Variants in PRIM2 observed in about 807,000 individuals in gnomAD.
The protein encoded by PRIM2 is DNA primase subunit 2.
PRIM2 carries 39 observed loss-of-function variants against 67.3 expected under a neutral mutation model. The ratio of observed to expected loss-of-function variants is 0.58; its 90% CI spans 0.45 to 0.76. The LOEUF (loss-of-function observed/expected upper bound fraction) is 0.76, where lower values mean the gene tolerates loss of function less well. Among genes scored for constraint, PRIM2 ranks in the 30% least tolerant of loss-of-function variants. PRIM2 has a pLI of 0.00. For missense variants in PRIM2, 398 were observed against 598.7 expected (o/e 0.66, Z 3.50); for synonymous variants, 143 against 198.7 (o/e 0.72, Z 2.36).
chr6:57,579,022 G>C (rs1211355770), intron 10 of PRIM2, among the ~76,000 whole-genome samples: 1 of 152,020 alleles, frequency 6.6e-6, no homozygotes, highest in African/African-American at 2.4e-5. Flanking sequence ...ACCACAAGAT[G>C]CTTCAGACTC....
chr6:57,511,087 C>T (rs1471507939), intron 8 of PRIM2, among the ~76,000 whole-genome samples: 1 of 152,068 alleles, frequency 6.6e-6, no homozygotes, highest in Non-Finnish European at 1.5e-5. Context: ...ATACAAATAC[C>T]TGTAAAAATT....
intron 5 of PRIM2, among the ~76,000 whole-genome samples, chr6:57,368,654 T>C (rs1004987977): frequency 6.6e-6 from 1 of 152,192 alleles, no homozygotes; most frequent in Non-Finnish European, 1.5e-5. Context: ...GGGATGGGTA[T>C]GGCATGTTTT....
chr6:57,470,605 C>G (rs1473834070), intron 7 of PRIM2, among the ~76,000 whole-genome samples: 2 of 151,120 alleles, frequency 1.3e-5, no homozygotes, highest in East Asian at 3.9e-4. Flanking sequence ...AACCCCAAAT[C>G]CCAAAATTGT....
chr6:57,508,255 T>C (rs1421203283), intron 8 of PRIM2, among the ~76,000 whole-genome samples: 1 of 152,134 alleles, frequency 6.6e-6, no homozygotes, highest in East Asian at 1.9e-4. Flanking sequence ...GTTTTTGTTG[T>C]TGTTGTCGTT....
chr6:57,325,642 GA>G (rs1767825478), intron 4 of PRIM2, among the ~76,000 whole-genome samples: 1 of 152,142 alleles, frequency 6.6e-6, no homozygotes, highest in South Asian at 2.1e-4. Flanking sequence ...TTAAATGCAT[GA>G]AGTATTTTAT....
intron 3 of PRIM2, 55 bp from the exon 4 acceptor site, chr6:57,324,146 T>G: frequency 9.9e-7 from 1 of 1,005,874 alleles, no homozygotes; most frequent in Non-Finnish European, 1.5e-6. Flanking sequence ...AGTATTTCCT[T>G]ACACCTCTTA....
Position 57,318,441 on chromosome 6 carries a change from C to T in PRIM2, c.-5C>T. ...TTTTGTGTACTTCCTTCTAAGGTGA[C>T]CAAGATGGAGTTTTCTGGAAGAAAG... On this transcript the variant is annotated 5_prime_UTR_variant, in exon 2 of 14. Coordinates refer to ENST00000615550, the MANE Select transcript of PRIM2 (RefSeq NM_000947.5). 1 of 1,610,828 alleles carries T rather than the reference C, an allele frequency of 6.2e-7. No individual in the cohort carries two copies. The highest frequency in any genetic ancestry group is 1.3e-5 in the African/African-American group (1 of 74,926).
At chr6:57,585,612 C>T (rs1489972368) in intron 10 of PRIM2, among the ~76,000 whole-genome samples, 26 of 152,112 alleles carry the variant, frequency 1.7e-4, no homozygotes, top group African/African-American at 5.8e-4. Flanking sequence ...TGCAGGGATG[C>T]GGAATTTGAT....
intron 3 of PRIM2, among the ~76,000 whole-genome samples, chr6:57,323,699 G>C (rs1158644172): frequency 6.6e-6 from 1 of 151,796 alleles, no homozygotes; most frequent in Non-Finnish European, 1.5e-5. Flanking sequence ...CCTAGATGAC[G>C]GGCAGCAAAC....
intron 8 of PRIM2, among the ~76,000 whole-genome samples, chr6:57,507,999 C>T (rs1554347355): frequency 2.0e-5 from 3 of 152,130 alleles, no homozygotes; most frequent in African/African-American, 4.8e-5. Flanking sequence ...TGCAGTGGTG[C>T]GATCTCCGCT....
At chr6:57,335,201 G>C (rs1168094817) in intron 5 of PRIM2, among the ~76,000 whole-genome samples, 1 of 140,892 alleles carries the variant, frequency 7.1e-6, no homozygotes, top group Non-Finnish European at 1.6e-5. Flanking sequence ...CACCTGGCTC[G>C]GAGGGTCCTA....
chr6:57,520,785 G>A (rs1412940181), intron 8 of PRIM2, among the ~76,000 whole-genome samples: 2 of 152,126 alleles, frequency 1.3e-5, no homozygotes, highest in Non-Finnish European at 2.9e-5. Flanking sequence ...TTGGATTTTG[G>A]TTATAACTTG....
chr6:57,416,470 T>C (rs1771266194), intron 7 of PRIM2, among the ~76,000 whole-genome samples: 1 of 152,188 alleles, frequency 6.6e-6, no homozygotes, highest in Non-Finnish European at 1.5e-5. Context: ...GAATGGTAAA[T>C]GAGCTTTGGC....
the PRIM2 span, among the ~76,000 whole-genome samples, chr6:57,253,063 C>G: frequency 2.0e-5 from 3 of 152,024 alleles, no homozygotes; most frequent in Non-Finnish European, 4.4e-5. Flanking sequence ...TGCAGAGAGC[C>G]AAGAACAAAG....
chr6:57,586,334 G>A (rs1463441910), intron 10 of PRIM2, among the ~76,000 whole-genome samples: 1 of 152,122 alleles, frequency 6.6e-6, no homozygotes, highest in East Asian at 1.9e-4. Flanking sequence ...TTTTTTGGAG[G>A]TGGTCTGTGT....
chr6:57,456,987 T>TGTTA (rs1165193290), intron 7 of PRIM2, among the ~76,000 whole-genome samples: 1 of 152,224 alleles, frequency 6.6e-6, no homozygotes, highest in African/African-American at 2.4e-5. Context: ...TCTTTCTGTT[T>TGTTA]GTTAGTTTTC....
intron 7 of PRIM2, chr6:57,383,204 C>T (rs1263003181): frequency 6.6e-6 from 1 of 152,084 alleles, no homozygotes; most frequent in Non-Finnish European, 1.5e-5. Flanking sequence ...TAGTGTCTTT[C>T]ACCACTGTGG....
chr6:57,543,326 G>A (rs1204890059), intron 10 of PRIM2, among the ~76,000 whole-genome samples: 1 of 152,184 alleles, frequency 6.6e-6, no homozygotes, highest in Non-Finnish European at 1.5e-5. Flanking sequence ...CAGCTCGAAT[G>A]ATTTGAAATA....
In PRIM2 at chr6:57,455,092, G is replaced by A. The variant is rs200999443; in HGVS notation, c.694-52295G>A. 2.7e-4 allele frequency among the ~76,000 whole-genome samples: 41 copies of A among 152,062 alleles called. 2 individuals are homozygous for A. In the East Asian group the frequency reaches 4.4e-3, roughly 16 times the overall value. The stretch of plus-strand genomic sequence containing the variant: ...TTGTTCAGTTTCCATGTAGTTGAGC[G>A]GTTTTGAGTGAGTTTCTTAATCCTG... On this transcript the variant is annotated intron_variant, in intron 7 of 13. Coordinates refer to ENST00000615550, the MANE Select transcript of PRIM2 (RefSeq NM_000947.5).
Sources: gnomAD v4.1 joint callset for allele counts (sites outside exome capture counted in the v4.1 genomes callset) on GRCh38, gnomAD v4.1.1 for gene constraint, MANE v1.5 for transcripts, NCBI Gene and HGNC (gene_info 2026-07-23, HGNC 2026-07-21) for gene names.